The following DPP10 variants were observed in gnomAD, a reference collection of about 807,000 sequenced individuals.
The protein encoded by DPP10 is dipeptidyl peptidase like 10, also known as inactive dipeptidyl peptidase 10.
Under a neutral mutation model 120.9 loss-of-function variants are expected in DPP10, and 33 were observed. That is an observed-to-expected ratio of 0.27 (90% confidence interval 0.21 to 0.37). The LOEUF is 0.37. Among genes scored for constraint, DPP10 ranks in the 10% least tolerant of loss-of-function variants. The probability of loss-of-function intolerance (pLI) is 1.00; values close to 1 mark genes in which losing one functional copy is unlikely to be tolerated. For synonymous variants in DPP10, 337 were observed against 326.1 expected, an observed-to-expected ratio of 1.03 and a Z score of -0.36; for missense variants, 816 against 942.8, an observed-to-expected ratio of 0.87 and a Z score of 1.76.
At chr2:114,948,844 G>A (rs981331031) in intron 1 of DPP10, among the ~76,000 whole-genome samples, 3 of 152,102 alleles carry the variant, frequency 2.0e-5, no homozygotes, top group East Asian at 1.9e-4. Context: ...ACTTACATTC[G>A]TGGTTAAAAG....
chr2:115,093,536 C>A (rs1043009733), intron 1 of DPP10, among the ~76,000 whole-genome samples: 2 of 151,938 alleles, frequency 1.3e-5, no homozygotes, highest in African/African-American at 4.8e-5. Flanking sequence ...GAAACCAAAT[C>A]TGGAGACATA....
intron 1 of DPP10, among the ~76,000 whole-genome samples, chr2:114,862,253 T>C (rs184625900): frequency 5.5e-4 from 75 of 136,726 alleles, no homozygotes; most frequent in Middle Eastern, 3.6e-3. Flanking sequence ...TGGAAAGCCA[T>C]CACATACAAC....
chr2:115,035,195 C>T (rs913145340), intron 1 of DPP10, among the ~76,000 whole-genome samples: 1 of 152,200 alleles, frequency 6.6e-6, no homozygotes, highest in Non-Finnish European at 1.5e-5. Flanking sequence ...CTACTTCAAT[C>T]TTAAATCCTA....
intron 5 of DPP10, among the ~76,000 whole-genome samples, chr2:115,679,005 A>G (rs2090470116): frequency 6.6e-6 from 1 of 152,196 alleles, no homozygotes; most frequent in Admixed American, 6.5e-5. Flanking sequence ...CCCAGTGCCT[A>G]TACCCCCATT....
intron 1 of DPP10, among the ~76,000 whole-genome samples, chr2:114,946,252 A>G (rs1697336860): frequency 6.6e-6 from 1 of 152,242 alleles, no homozygotes; most frequent in Non-Finnish European, 1.5e-5. Context: ...AATGCTAATG[A>G]TAGGGGAAAG....
At chr2:115,378,641 G>C (rs2066012104) in intron 3 of DPP10, among the ~76,000 whole-genome samples, 1 of 151,152 alleles carries the variant, frequency 6.6e-6, no homozygotes, top group Non-Finnish European at 1.5e-5. Flanking sequence ...AGTTTTCAAA[G>C]GGAATGCTTC....
intron 3 of DPP10, among the ~76,000 whole-genome samples, chr2:115,477,697 C>T (rs995411860): frequency 6.6e-6 from 1 of 152,048 alleles, no homozygotes; most frequent in African/African-American, 2.4e-5. Flanking sequence ...TCAGTACAAT[C>T]CTCAATATAG....
At chr2:114,939,569 T>G (rs1696742131) in intron 1 of DPP10, among the ~76,000 whole-genome samples, 1 of 152,138 alleles carries the variant, frequency 6.6e-6, no homozygotes, top group African/African-American at 2.4e-5. Flanking sequence ...TGTGTCAAAC[T>G]TAAGATATGA....
chr2:115,259,384 T>C (rs894713988), intron 1 of DPP10, among the ~76,000 whole-genome samples: 1 of 151,444 alleles, frequency 6.6e-6, no homozygotes, highest in African/African-American at 2.4e-5. Flanking sequence ...CTTGGGAGGC[T>C]GAGGCATGAG....
At chr2:115,605,830 A>G in intron 5 of DPP10, among the ~76,000 whole-genome samples, 1 of 152,110 alleles carries the variant, frequency 6.6e-6, no homozygotes, top group South Asian at 2.1e-4. Flanking sequence ...ACATCTTCCC[A>G]ACAATATTAT....
At chr2:114,731,225 CTT>C (rs199539150) in intron 1 of DPP10, among the ~76,000 whole-genome samples, 4 of 139,400 alleles carry the variant, frequency 2.9e-5, no homozygotes, top group Non-Finnish European at 4.7e-5. Context: ...TCACTTGAGG[CTT>C]TTTTTTTTTT....
At chr2:115,344,694 G>T (rs893590655) in intron 3 of DPP10, among the ~76,000 whole-genome samples, 5 of 152,030 alleles carry the variant, frequency 3.3e-5, no homozygotes, top group Non-Finnish European at 7.4e-5. Flanking sequence ...GATCATAAGG[G>T]CATAATGTGT....
intron 21 of DPP10, among the ~76,000 whole-genome samples, chr2:115,818,680 A>G (rs1038573468): frequency 2.0e-5 from 3 of 152,210 alleles, no homozygotes; most frequent in Non-Finnish European, 4.4e-5. Flanking sequence ...TAAGAATGAG[A>G]GGAAGACTGG....
rs34855802 is a variant in DPP10, at chr2:115,572,215, A to AT, written c.441+46255dup. Among the ~76,000 whole-genome samples the AT allele has an allele frequency of 8.4e-3, 1,238 of 147,728 alleles. 13 individuals are homozygous for AT. The highest frequency in any genetic ancestry group is 0.027 in the African/African-American group (1,101 of 40,476). ...TACCATAACTTAAACACCCACAAAC[A>AT]TTTTTTTTTTTTGCATCAATATTCT... On this transcript the variant is annotated intron_variant, in intron 5 of 25. Coordinates refer to ENST00000410059, the MANE Select transcript of DPP10 (RefSeq NM_020868.6).
At chr2:114,530,730 A>G (rs1277605002) in intron 1 of DPP10, among the ~76,000 whole-genome samples, 2 of 152,138 alleles carry the variant, frequency 1.3e-5, no homozygotes, top group African/African-American at 4.8e-5. Context: ...ACTGTCTACA[A>G]TGAGATAGTC....
intron 3 of DPP10, among the ~76,000 whole-genome samples, chr2:115,461,680 G>A (rs561725822): frequency 6.6e-6 from 1 of 151,944 alleles, no homozygotes; most frequent in Non-Finnish European, 1.5e-5. Flanking sequence ...ACCTCAATAA[G>A]GATTAGAAAA....
chr2:115,242,259 T>C (rs1031735631), intron 1 of DPP10, among the ~76,000 whole-genome samples: 5 of 152,338 alleles, frequency 3.3e-5, no homozygotes, highest in Non-Finnish European at 4.4e-5. Context: ...CAATGTTTGG[T>C]TTCTCATCCC....
At chr2:115,069,079 G>T (rs1021165997) in intron 1 of DPP10, among the ~76,000 whole-genome samples, 1 of 151,964 alleles carries the variant, frequency 6.6e-6, no homozygotes, top group South Asian at 2.1e-4. Context: ...GATTTCTTTT[G>T]TATTTCTGTA....
At chr2:114,483,599 C>A (rs1010678163) in intron 1 of DPP10, among the ~76,000 whole-genome samples, 2 of 151,766 alleles carry the variant, frequency 1.3e-5, no homozygotes, top group African/African-American at 4.8e-5. Flanking sequence ...AAAATGTTGA[C>A]AAAGATTATC....
Sources: allele counts gnomAD v4.1 joint callset (sites outside exome capture counted in the v4.1 genomes callset), GRCh38; gene constraint gnomAD v4.1.1; transcripts MANE v1.5; gene names NCBI Gene and HGNC (gene_info 2026-07-23, HGNC 2026-07-21).